PSG2: variants seen among roughly 807,000 people sequenced by gnomAD.
The protein encoded by PSG2 is pregnancy specific beta-1-glycoprotein 2.
A neutral mutation model predicts 36.2 loss-of-function variants in PSG2; 49 were observed. The observed-to-expected ratio is 1.35, with a 90% CI of 1.08 to 1.72. The LOEUF is 1.72. Among genes scored for constraint, PSG2 ranks in the 40% most tolerant of loss-of-function variants. The pLI, the probability that PSG2 is intolerant of heterozygous loss-of-function variation, is 0.00. For synonymous variants in PSG2, 261 were observed against 155.6 expected (o/e 1.68, Z -5.04); for missense variants, 605 against 407.2 (o/e 1.49, Z -4.18).
intron 4 of PSG2, 137 bp from the exon 5 acceptor site, chr19:43,066,737 T>A: frequency 2.2e-6 from 3 of 1,354,806 alleles, no homozygotes; most frequent in Non-Finnish European, 3.0e-6. Context: ...GGAATATTGA[T>A]GGGAGATGAT....
At chr19:43,076,351 T>C (rs190165286) in intron 2 of PSG2, among the ~76,000 whole-genome samples, 1 of 151,728 alleles carries the variant, frequency 6.6e-6, no homozygotes, top group South Asian at 2.1e-4. Flanking sequence ...CAAGACCATG[T>C]GCCCTGTTCT....
Position 43,071,824 on chromosome 19 carries a change from CT to C in PSG2, c.839del (p.Gln280ArgfsTer37). The C allele has an allele frequency of 1.8e-5, 29 of 1,613,154 alleles. No homozygotes were observed. The highest frequency in any genetic ancestry group is 2.5e-5 in the Non-Finnish European group (29 of 1,179,630). ...GGATAAACAGATTTTGTCCTGATTG[CT>C]GAAACTTCCCATTAATTGTCCAAGA... ...QYSWTINGKF[Q>X]QSGQNLFIPQ... On this transcript the variant is annotated frameshift_variant, in exon 4 of 6. Transcript: ENST00000406487. LOFTEE classifies it high-confidence loss of function.
intron 1 of PSG2, among the ~76,000 whole-genome samples, chr19:43,081,597 A>C (rs1012798039): frequency 2.6e-5 from 4 of 151,158 alleles, no homozygotes; most frequent in Non-Finnish European, 5.9e-5. Flanking sequence ...CTTTCCTGAC[A>C]CCTCCTTCAG....
rs1187213283 is a variant in PSG2, at chr19:43,082,612, A to G, written c.-43T>C. On this transcript the variant is annotated 5_prime_UTR_variant, in exon 1 of 6. Coordinates refer to ENST00000406487, the MANE Select transcript of PSG2 (RefSeq NM_031246.4). ...TGTTCTCCTCTGTGGAGATGAGCCT[A>G]GGATCCAGAAACTTCCTGAGCACGG... 5.0e-6 allele frequency: 8 copies of G among 1,604,584 alleles called. No individual in the cohort carries two copies. The highest frequency in any genetic ancestry group is 2.2e-5 in the South Asian group (2 of 90,714).
chr19:43,081,011 T>G lies in PSG2; in HGVS notation c.300A>C (p.Thr100=), dbSNP rs1454028611. 4 of 1,613,164 alleles carry G rather than the reference T, an allele frequency of 2.5e-6. No homozygotes were observed. Among genetic ancestry groups the G allele is most frequent in the Admixed American group, 3.3e-5 (2 of 59,960 alleles). ...IYGPAYSGRE[T]AYSNASLLIQ... is the part of the protein sequence containing the mutation. ...TCAGCAGGGATGCATTGGAATATGC[T>G]GTTTCTCGTCCACTATATGCAGGCC... Residue 100 remains threonine, a synonymous_variant, in exon 2 of 6, where the codon ACA becomes ACC. Transcript: ENST00000406487.
At position 43,082,630 on chromosome 19, in the gene PSG2, G is replaced by T; in HGVS notation, c.-61C>A. 4.4e-6 allele frequency: 7 copies of T among 1,593,076 alleles called. No individual in the cohort carries two copies. Among genetic ancestry groups the T allele is most frequent in the Non-Finnish European group, 5.2e-6 (6 of 1,164,916 alleles). On this transcript the variant is annotated 5_prime_UTR_variant, in exon 1 of 6. Coordinates refer to ENST00000406487, the MANE Select transcript of PSG2 (RefSeq NM_031246.4). ...TGAGCCTAGGATCCAGAAACTTCCT[G>T]AGCACGGCTGTCAGCTGTGCTGTCC...
intron 2 of PSG2, among the ~76,000 whole-genome samples, chr19:43,076,414 C>T (rs1967896785): frequency 6.6e-6 from 1 of 151,710 alleles, no homozygotes; most frequent in South Asian, 2.1e-4. Flanking sequence ...ACGATGTGGA[C>T]CTTTCTAGAA....
Position 43,065,046 on chromosome 19 carries a change from A to C in PSG2, c.*41-445T>G, listed in dbSNP as rs1172269766. 1.3e-5 allele frequency among the ~76,000 whole-genome samples: 2 copies of C among 151,674 alleles called. 1 individual carries two copies. The highest frequency in any genetic ancestry group is 4.9e-5 in the African/African-American group (2 of 41,064). ...GAGATGGGGTTTCACCGTGTTAACC[A>C]GGATGGTCTCGATCTCCTGACCTCG... On this transcript the variant is annotated intron_variant, in intron 5 of 5. Coordinates refer to ENST00000406487, the MANE Select transcript of PSG2 (RefSeq NM_031246.4).
At position 43,075,509 on chromosome 19, in the gene PSG2, T is replaced by C. The variant is rs1242373390; in HGVS notation, c.554A>G (p.Gln185Arg). 1 of 1,613,296 alleles carries C rather than the reference T, an allele frequency of 6.2e-7. No individual in the cohort carries two copies. Residue 185 changes from glutamine (Q) to arginine (R), a missense_variant, in exon 3 of 6, where the codon CAG (glutamine) becomes CGG (arginine). Physicochemically the swap from Gln to Arg is conservative, Grantham distance 43. Coordinates refer to ENST00000406487, the MANE Select transcript of PSG2 (RefSeq NM_031246.4). ...DTSYQWWMNGQSLPMTHRFQL... is the reference protein window; with the variant it reads ...DTSYQWWMNGRSLPMTHRFQL... The stretch of plus-strand genomic sequence containing the variant: ...AAACCTATGAGTCATAGGGAGGCTC[T>C]GACCATTCATCCACCACTGGTAGCT...
chr19:43,082,137 T>C lies in PSG2; in HGVS notation c.64+369A>G, dbSNP rs1192366945. On this transcript the variant is annotated intron_variant, in intron 1 of 5. Transcript: ENST00000406487. ...TTTCTTCTCTCTTTTTTTTTTTTTT[T>C]TTTTTTTTTTTTTTTTTTTTTGAGA... The C allele has an allele frequency of 6.5e-5, 7 of 108,432 alleles. 1 individual carries two copies. The East Asian group carries it at 7.3e-4, about 11-fold the overall frequency. The allele number at this position is 108,432 out of a possible 1,614,324, so 6.7% of individuals were successfully genotyped here.
chr19:43,065,473 A>G (rs1157146083), intron 5 of PSG2: 2 of 151,572 alleles, frequency 1.3e-5, no homozygotes, highest in African/African-American at 4.9e-5. Flanking sequence ...CTTAAAAATT[A>G]CCAGTGCCTG....
At chr19:43,072,546 T>C in intron 3 of PSG2, 1 of 1,611,360 alleles carries the variant, frequency 6.2e-7, no homozygotes. Context: ...CTCTCACTCT[T>C]AGGTTCACAG....
intron 2 of PSG2, among the ~76,000 whole-genome samples, chr19:43,076,124 C>A (rs138548806): frequency 5.9e-5 from 9 of 151,632 alleles, no homozygotes; most frequent in Admixed American, 1.3e-4. Flanking sequence ...GAAAGCCTGG[C>A]CTGGGACTGG....
At chr19:43,080,788 A>G in intron 2 of PSG2, 93 bp downstream of exon 2, 3 of 1,607,582 alleles carry the variant, frequency 1.9e-6, no homozygotes, top group Admixed American at 1.7e-5. Flanking sequence ...GCAGAGAGGG[A>G]CACAGGCACA....
intron 1 of PSG2, chr19:43,082,107 A>G (rs62112399): frequency 1.6e-5 from 1 of 62,152 alleles, no homozygotes; most frequent in Non-Finnish European, 3.5e-5. Context: ...CTTTCCTTTT[A>G]TTTCTTTCTT....
At position 43,064,617 on chromosome 19, in the gene PSG2, AT is replaced by A; in HGVS notation, c.*41-17del. ...CATAAATCTCCTTGAAGAAAAAGCA[AT>A]TTTGGACTGTAGGTGATTGTAAGTA... On this transcript the variant is annotated splice_polypyrimidine_tract_variant and intron_variant, in intron 5 of 5. Transcript: ENST00000406487. 1 of 635,168 alleles carries A rather than the reference AT, an allele frequency of 1.6e-6. No individual in the cohort carries two copies. Among genetic ancestry groups the A allele is most frequent in the Non-Finnish European group, 3.0e-6 (1 of 335,428 alleles). 39.3% of individuals were successfully genotyped at this position (635,168 alleles called of 1,614,324 possible). A position where few individuals can be genotyped will look rare whatever the true frequency, so the allele number is the denominator to read the frequency against.
Position 43,066,066 on chromosome 19 carries a change from G to C in PSG2, c.*40+451C>G, listed in dbSNP as rs1029886581. On this transcript the variant is annotated intron_variant, in intron 5 of 5. Transcript: ENST00000406487. ...ATGTGAACTTATCAAATAGGCTAGA[G>C]TAGACCCCTGCAGATTCTTGATTAA... 2.6e-5 allele frequency among the ~76,000 whole-genome samples: 4 copies of C among 151,668 alleles called. 1 individual carries two copies. The highest frequency in any genetic ancestry group is 9.7e-5 in the African/African-American group (4 of 41,034).
chr19:43,072,473 G>C (rs1202314040), intron 3 of PSG2: 13 of 1,611,266 alleles, frequency 8.1e-6, no homozygotes, highest in African/African-American at 6.7e-5. Context: ...GTTTTCAATG[G>C]GTCGCTTTAC....
chr19:43,069,228 A>G (rs1967783664), intron 4 of PSG2, among the ~76,000 whole-genome samples: 1 of 123,244 alleles, frequency 8.1e-6, no homozygotes, highest in Non-Finnish European at 1.9e-5. Flanking sequence ...CAATAAATTG[A>G]AGGACATTTT....
Sources: gnomAD v4.1 joint callset for allele counts (sites outside exome capture counted in the v4.1 genomes callset) on GRCh38, gnomAD v4.1.1 for gene constraint, MANE v1.5 for transcripts, NCBI Gene and HGNC (gene_info 2026-07-23, HGNC 2026-07-21) for gene names.